SERINC5: variants seen among roughly 807,000 people sequenced by gnomAD.
SERINC5 encodes serine incorporator 5.
SERINC5 carries 41 observed loss-of-function variants against 63.1 expected under a neutral mutation model. The observed-to-expected ratio is 0.65, with a 90% CI of 0.51 to 0.84. The LOEUF is 0.84. SERINC5 is among the 40% of genes least tolerant of loss of function. The pLI is 0.00. For missense variants in SERINC5, 523 were observed against 573.0 expected (o/e 0.91, Z 0.89); for synonymous variants, 222 against 215.2 (o/e 1.03, Z -0.28).
At chr5:80,148,849 T>C (rs1383120320) in intron 9 of SERINC5, among the ~76,000 whole-genome samples, 1 of 152,188 alleles carries the variant, frequency 6.6e-6, no homozygotes, top group African/African-American at 2.4e-5. Flanking sequence ...CATTTGTGTA[T>C]CAAGGCCAAG....
chr5:80,241,558 G>C (rs934335852), intron 1 of SERINC5, among the ~76,000 whole-genome samples: 1 of 151,968 alleles, frequency 6.6e-6, no homozygotes, highest in Admixed American at 6.6e-5. Context: ...TAAGAACAAA[G>C]AACAGAAGAG....
At chr5:80,236,201 C>T (rs1467321727) in intron 1 of SERINC5, among the ~76,000 whole-genome samples, 1 of 152,206 alleles carries the variant, frequency 6.6e-6, no homozygotes, top group African/African-American at 2.4e-5. Flanking sequence ...TGAACTCATA[C>T]TGTGGGCCAG....
At chr5:80,191,109 CA>C (rs1174113042) in intron 2 of SERINC5, among the ~76,000 whole-genome samples, 39 of 138,366 alleles carry the variant, frequency 2.8e-4, no homozygotes, top group Admixed American at 2.9e-4. Flanking sequence ...AAACAAAAAC[CA>C]AAAAAAAAAA....
chr5:80,120,391 C>T (rs543191957), intron 11 of SERINC5, among the ~76,000 whole-genome samples: 1 of 152,186 alleles, frequency 6.6e-6, no homozygotes, highest in South Asian at 2.1e-4. Context: ...GGATCTACAA[C>T]ATGGAAGGAG....
chr5:80,207,062 G>A (rs756198782), intron 1 of SERINC5, among the ~76,000 whole-genome samples: 18 of 151,882 alleles, frequency 1.2e-4, no homozygotes, highest in Admixed American at 3.3e-4. Flanking sequence ...GCAGTGGCAC[G>A]ATCTTGGCTC....
chr5:80,147,876 T>A (rs144418677), intron 9 of SERINC5, among the ~76,000 whole-genome samples: 1 of 152,202 alleles, frequency 6.6e-6, no homozygotes, highest in Non-Finnish European at 1.5e-5. Flanking sequence ...ATTGGGCTTA[T>A]TATTATCCTG....
chr5:80,226,690 T>G (rs1335456870), intron 1 of SERINC5, among the ~76,000 whole-genome samples: 1 of 152,182 alleles, frequency 6.6e-6, no homozygotes. Context: ...AAAGCCATTC[T>G]TCATTCTTCT....
rs1478397752 is a variant in SERINC5 at position 80,198,550 on chromosome 5, T to C, written c.195+4336A>G. ...CGCTGGGTAGGAGGCACTTACACAC[T>C]CCCATCCGGGCCGTTACAAGCATGC... On this transcript the variant is annotated intron_variant, in intron 2 of 11. Transcript: ENST00000507668. The C allele has an allele frequency of 1.1e-5, 11 of 985,068 alleles. No individual in the cohort carries two copies. The African/African-American group carries it at 1.9e-4, about 17-fold the overall frequency. The allele number at this position is 985,068 out of a possible 1,614,324, so 61.0% of individuals were successfully genotyped here. A position where few individuals can be genotyped will look rare whatever the true frequency, so the allele number is the denominator to read the frequency against.
chr5:80,166,553 G>T, intron 6 of SERINC5, 75 bp from the exon 7 acceptor site: 2 of 938,444 alleles, frequency 2.1e-6, no homozygotes, highest in Non-Finnish European at 3.4e-6. Flanking sequence ...AAACCTGATA[G>T]TCCCCATGAC....
Position 80,138,760 on chromosome 5 carries a change from A to C in SERINC5, c.*4903T>G. On this transcript the variant is annotated 3_prime_UTR_variant, in exon 12 of 12. Coordinates refer to ENST00000507668, the MANE Select transcript of SERINC5 (RefSeq NM_001174072.3). The stretch of plus-strand genomic sequence containing the variant: ...CACAGATATATATCTTTTATTTGTC[A>C]ATTAAAGGATCAGCATAGACTCCAT... The C allele has an allele frequency of 1.1e-6, 1 of 949,722 alleles. No homozygotes were observed. Among genetic ancestry groups the C allele is most frequent in the East Asian group, 1.2e-4 (1 of 8,678 alleles). 58.8% of individuals were successfully genotyped at this position (949,722 alleles called of 1,614,324 possible). A position where few individuals can be genotyped will look rare whatever the true frequency, so the allele number is the denominator to read the frequency against.
Position 80,216,856 on chromosome 5 carries a change from C to T in SERINC5, c.28-13803G>A, listed in dbSNP as rs936269020. 5.3e-5 allele frequency among the ~76,000 whole-genome samples: 8 copies of T among 151,828 alleles called. No individual in the cohort carries two copies. In the South Asian group the frequency reaches 1.7e-3, roughly 32 times the overall value. ...TGAGACACTGTCTCTACAAAAAATA[C>T]AAAAATTAGCCAGGCATGGTGACAC... On this transcript the variant is annotated intron_variant, in intron 1 of 11. Transcript: ENST00000507668.
intron 1 of SERINC5, among the ~76,000 whole-genome samples, chr5:80,239,438 A>T (rs1421033271): frequency 3.4e-5 from 5 of 148,270 alleles, no homozygotes; most frequent in Admixed American, 1.3e-4. Flanking sequence ...CCCAATTTTC[A>T]GTTTATGGTT....
intron 2 of SERINC5, among the ~76,000 whole-genome samples, chr5:80,190,969 G>C (rs977453644): frequency 1.3e-5 from 2 of 152,068 alleles, no homozygotes; most frequent in Non-Finnish European, 2.9e-5. Flanking sequence ...CAAATGCTTG[G>C]TTTGGATTGT....
At chr5:80,161,152 G>A (rs73125987) in intron 7 of SERINC5, among the ~76,000 whole-genome samples, 7 of 151,864 alleles carry the variant, frequency 4.6e-5, no homozygotes, top group Middle Eastern at 3.5e-3. Context: ...ACAGTGCTGC[G>A]ATAAACACAG....
intron 1 of SERINC5, among the ~76,000 whole-genome samples, chr5:80,223,825 G>A (rs1006911064): frequency 2.6e-5 from 4 of 152,010 alleles, no homozygotes; most frequent in Non-Finnish European, 5.9e-5. Flanking sequence ...ACTCATCAAC[G>A]AGAAAGTTAG....
chr5:80,231,317 A>G (rs1210793421), intron 1 of SERINC5, among the ~76,000 whole-genome samples: 1 of 152,202 alleles, frequency 6.6e-6, no homozygotes, highest in Non-Finnish European at 1.5e-5. Context: ...TGACAACCCC[A>G]TTACTCAGGA....
At chr5:80,203,346 CAT>C in intron 1 of SERINC5, 1 of 153,132 alleles carries the variant, frequency 6.5e-6, no homozygotes, top group South Asian at 2.0e-4. Context: ...TACATACACA[CAT>C]GCACATATAC....
At chr5:80,217,654 T>C (rs961614358) in intron 1 of SERINC5, among the ~76,000 whole-genome samples, 6 of 152,198 alleles carry the variant, frequency 3.9e-5, no homozygotes, top group African/African-American at 1.4e-4. Flanking sequence ...TCTATATTCA[T>C]ACAGTATTTA....
At position 80,142,421 on chromosome 5, in the gene SERINC5, CAG is replaced by C. The variant is rs1322926221; in HGVS notation, c.*1240_*1241del. The stretch of plus-strand genomic sequence containing the variant: ...CTAATTTTTCTATTTTTAATAGAGA[CAG>C]GGTTTCACCATGTTAGCCAGGCTGG... On this transcript the variant is annotated 3_prime_UTR_variant, in exon 12 of 12. Transcript: ENST00000507668. 1.1e-6 allele frequency: 1 copy of C among 904,400 alleles called. No homozygotes were observed. Among genetic ancestry groups the C allele is most frequent in the Non-Finnish European group, 1.3e-6 (1 of 756,160 alleles). The allele number at this position is 904,400 out of a possible 1,614,324, so 56.0% of individuals were successfully genotyped here.
Sources: gnomAD v4.1 joint callset for allele counts (sites outside exome capture counted in the v4.1 genomes callset) on GRCh38, gnomAD v4.1.1 for gene constraint, MANE v1.5 for transcripts, NCBI Gene and HGNC (gene_info 2026-07-23, HGNC 2026-07-21) for gene names.